Variants in BDNF observed in about 807,000 individuals in gnomAD.
The protein encoded by BDNF is neurotrophic factor BDNF precursor form.
Under a neutral mutation model 19.5 loss-of-function variants are expected in BDNF, and 1 was observed. That is an observed-to-expected ratio of 0.05 (90% CI 0.02 to 0.24). The LOEUF is 0.24. BDNF is among the 10% of genes least tolerant of loss of function. The pLI is 1.00. For missense variants in BDNF, 195 were observed against 317.6 expected, an observed-to-expected ratio of 0.61 and a Z score of 2.93; for synonymous variants, 100 against 121.6, an observed-to-expected ratio of 0.82 and a Z score of 1.17.
At chr11:27,679,215 CCAAATATAATGGT>C (rs1485697266) in intron 1 of BDNF, among the ~76,000 whole-genome samples, 2 of 152,090 alleles carry the variant, frequency 1.3e-5, no homozygotes, top group South Asian at 2.1e-4. Context: ...AGCTCTGAAG[CCAAATATAATGGT>C]CAAATATAAT....
At chr11:27,672,103 T>C (rs574255802) in intron 1 of BDNF, among the ~76,000 whole-genome samples, 8 of 152,318 alleles carry the variant, frequency 5.3e-5, no homozygotes, top group African/African-American at 1.4e-4. Flanking sequence ...TTTTGTGTTT[T>C]TACTTAAGTA....
chr11:27,698,894 C>A (rs1859523669), intron 1 of BDNF, among the ~76,000 whole-genome samples: 1 of 152,090 alleles, frequency 6.6e-6, no homozygotes, highest in Non-Finnish European at 1.5e-5. Context: ...CCTAACACAC[C>A]GCCAATCGAG....
chr11:27,666,149 G>A (rs1212715633), intron 1 of BDNF, among the ~76,000 whole-genome samples: 1 of 146,454 alleles, frequency 6.8e-6, no homozygotes, highest in African/African-American at 2.7e-5. Flanking sequence ...TGATACCCAA[G>A]CAAACAGGGT....
At chr11:27,682,820 C>T (rs945148235) in intron 1 of BDNF, among the ~76,000 whole-genome samples, 19 of 151,982 alleles carry the variant, frequency 1.3e-4, no homozygotes, top group African/African-American at 4.3e-4. Context: ...GATGGGCATT[C>T]GGATTGGTTC....
chr11:27,705,618 T>C (rs1300792927), intron 1 of BDNF, among the ~76,000 whole-genome samples: 1 of 152,208 alleles, frequency 6.6e-6, no homozygotes, highest in Admixed American at 6.5e-5. Context: ...GACCAAGGAC[T>C]TGAGCAGGAT....
Position 27,710,989 on chromosome 11 carries a change from A to G in BDNF, c.3+10423T>C, listed in dbSNP as rs559573409. Among the ~76,000 whole-genome samples the G allele has an allele frequency of 1.0e-3, 159 of 152,298 alleles. 2 individuals carry two copies. Among genetic ancestry groups the G allele is most frequent in the African/African-American group, 3.6e-3 (149 of 41,558 alleles). On this transcript the variant is annotated intron_variant, in intron 1 of 1. Coordinates refer to the BDNF transcript ENST00000314915. ...TCAGTGACTATATACTTATGTCTGG[A>G]TCATTCTGTATCTTGATAGTGTTTT...
At position 27,656,718 on chromosome 11, in the gene BDNF, G is replaced by GT. The variant is rs887806203; in HGVS notation, c.*1102dup. 95 of 984,880 alleles carry GT rather than the reference G, an allele frequency of 9.6e-5. No individual in the cohort carries two copies. Among genetic ancestry groups the GT allele is most frequent in the Non-Finnish European group, 1.0e-4 (87 of 829,832 alleles). 61.0% of individuals were successfully genotyped at this position (984,880 alleles called of 1,614,324 possible). ...AAGACATTGTTAAGCCTCACCATGAGTTTTTTTTAAGCTTAGCCATGATTT... is the reference window on the plus strand; with the variant it reads ...AAGACATTGTTAAGCCTCACCATGAGTTTTTTTTTAAGCTTAGCCATGATTT... On this transcript the variant is annotated 3_prime_UTR_variant, in exon 2 of 2. Transcript: ENST00000356660.
intron 1 of BDNF, among the ~76,000 whole-genome samples, chr11:27,693,155 A>G (rs780479806): frequency 1.3e-5 from 2 of 152,236 alleles, no homozygotes; most frequent in Admixed American, 6.5e-5. Flanking sequence ...CCTTGAACTG[A>G]TGATAATATT....
At chr11:27,680,301 G>A (rs1402391318) in intron 1 of BDNF, among the ~76,000 whole-genome samples, 1 of 152,144 alleles carries the variant, frequency 6.6e-6, no homozygotes, top group African/African-American at 2.4e-5. Context: ...GGAGGAAGGT[G>A]GCAAAGGAGA....
intron 1 of BDNF, among the ~76,000 whole-genome samples, chr11:27,684,089 G>A (rs1461922491): frequency 1.3e-5 from 2 of 152,072 alleles, no homozygotes; most frequent in African/African-American, 2.4e-5. Context: ...ATTGAGCAGT[G>A]GTTTGTAGTT....
chr11:27,655,870 A>T lies in BDNF; in HGVS notation c.*1951T>A, dbSNP rs1002413340. On this transcript the variant is annotated 3_prime_UTR_variant, in exon 2 of 2. Coordinates refer to ENST00000356660, the MANE Select transcript of BDNF (RefSeq NM_001709.5). ...CTGGGGATCCATTTTTCCAAGAACC[A>T]CTATTTCAGGCTCCCAACTTGACTT... 1.3e-5 allele frequency: 2 copies of T among 152,248 alleles called. No homozygotes were observed. Among genetic ancestry groups the T allele is most frequent in the African/African-American group, 4.8e-5 (2 of 41,454 alleles). 9.4% of individuals were successfully genotyped at this position (152,248 alleles called of 1,614,324 possible). A position where few individuals can be genotyped will look rare whatever the true frequency, so the allele number is the denominator to read the frequency against.
intron 1 of BDNF, among the ~76,000 whole-genome samples, chr11:27,692,365 G>A (rs1341649043): frequency 6.6e-6 from 1 of 151,864 alleles, no homozygotes; most frequent in Non-Finnish European, 1.5e-5. Flanking sequence ...TCCCTCCAAC[G>A]GGGTCTCACT....
intron 1 of BDNF, among the ~76,000 whole-genome samples, chr11:27,670,400 T>C (rs552113080): frequency 2.0e-4 from 31 of 152,102 alleles, no homozygotes; most frequent in Non-Finnish European, 3.4e-4. Context: ...AAAGCCAAAA[T>C]TGACAAATGG....
rs1284985893 is a variant in BDNF at position 27,657,726 on chromosome 11, A to AT, written c.*94dup. ...ATTTATACATGCAGTTCATAAAATT[A>AT]TTTTTTTCTTAACTGAATAATTTAC... On this transcript the variant is annotated 3_prime_UTR_variant, in exon 2 of 2. Coordinates refer to ENST00000356660, the MANE Select transcript of BDNF (RefSeq NM_001709.5). The surrounding 1 kb of genome is among the most constrained non-coding windows in gnomAD (Gnocchi z 5.0). 49 of 1,556,864 alleles carry AT rather than the reference A, an allele frequency of 3.1e-5. 1 individual carries two copies. Among genetic ancestry groups the AT allele is most frequent in the South Asian group, 1.3e-4 (11 of 84,342 alleles).
intron 1 of BDNF, among the ~76,000 whole-genome samples, chr11:27,694,704 T>G (rs559116699): frequency 1.3e-5 from 2 of 152,162 alleles, no homozygotes; most frequent in South Asian, 4.2e-4. Context: ...GTGTGTGTGT[T>G]TAAAATCTTG....
intron 1 of BDNF, among the ~76,000 whole-genome samples, chr11:27,691,740 A>G (rs1858324740): frequency 6.6e-6 from 1 of 152,206 alleles, no homozygotes; most frequent in Non-Finnish European, 1.5e-5. Flanking sequence ...AATAAGTTAT[A>G]AATAAATTAT....
chr11:27,664,433 T>C (rs537289214), intron 1 of BDNF, among the ~76,000 whole-genome samples: 14 of 152,144 alleles, frequency 9.2e-5, no homozygotes, highest in Admixed American at 7.2e-4. Flanking sequence ...TACAATTTTA[T>C]AAAGAGAAAG....
At chr11:27,701,776 G>T, upstream of BDNF, 1 of 303,702 alleles carries the variant, frequency 3.3e-6, no homozygotes, top group Middle Eastern at 1.7e-3. Context: ...TATTAGAAGA[G>T]TTCCGTTCCA....
At chr11:27,704,613 C>T (rs767511249), upstream of BDNF, among the ~76,000 whole-genome samples, 167 of 152,122 alleles carry the variant, frequency 1.1e-3, 2 homozygotes, top group African/African-American at 3.6e-3. Flanking sequence ...TGAAACTTTC[C>T]GTAATTAGCA....
Sources: allele counts gnomAD v4.1 joint callset (sites outside exome capture counted in the v4.1 genomes callset), GRCh38; gene constraint gnomAD v4.1.1; non-coding constraint Gnocchi (gnomAD v3.1); transcripts MANE v1.5; gene names NCBI Gene and HGNC (gene_info 2026-07-23, HGNC 2026-07-21).